MADD: variants seen among roughly 807,000 people sequenced by gnomAD.
MADD encodes MAP kinase activating death domain.
MADD carries 109 observed loss-of-function variants against 176.7 expected under a neutral mutation model. The observed-to-expected ratio is 0.62, with a 90% CI of 0.53 to 0.72. The LOEUF (loss-of-function observed/expected upper bound fraction) is 0.72. MADD is among the 30% of genes least tolerant of loss of function. MADD has a pLI of 0.00. For missense variants in MADD, 1,914 were observed against 2,045.5 expected, an observed-to-expected ratio of 0.94 and a Z score of 1.24; for synonymous variants, 771 against 771.3, an observed-to-expected ratio of 1.00 and a Z score of 0.01.
At position 47,329,107 on chromosome 11, in the gene MADD, G is replaced by C. The variant is rs148908623; in HGVS notation, c.4721G>C (p.Ser1574Thr). The C allele has an allele frequency of 3.1e-6, 5 of 1,614,072 alleles. No individual in the cohort carries two copies. In the African/African-American group the frequency reaches 5.3e-5, roughly 17 times the overall value. Residue 1574 changes from serine (S) to threonine (T), a missense_variant, in exon 33 of 33, where the codon AGT becomes ACT. Around this residue, in one of 2 missense-constraint regions of MADD, gnomAD observed 147 missense variants for 209.5 expected, o/e 0.70. Coordinates refer to ENST00000402192, the Ensembl canonical transcript of MADD. ...TCGTACGTGGCTGCAGTTCATAGCA[G>C]TGAGGAAGATCTCAGAACCCCGCCC...
exon 9 of MADD, chr11:47,282,467 C>T (rs745733121): frequency 1.2e-6 from 2 of 1,614,092 alleles, no homozygotes; most frequent in African/African-American, 1.3e-5. Flanking sequence ...TTTCCTCGGC[C>T]TGTGGTAGCT....
At position 47,289,838 on chromosome 11, in the gene MADD, A is replaced by G. The variant is rs769353760; in HGVS notation, c.2757-29A>G. On this transcript the variant is annotated intron_variant, in intron 16 of 32. Transcript: ENST00000402192. ...GGGGTGCTCTGCAAAGGAGCTGATG[A>G]CCACAGAAGCGGTGTGTGGACCCTG... 9 of 1,610,272 alleles carry G rather than the reference A, an allele frequency of 5.6e-6. No individual in the cohort carries two copies. The South Asian group carries it at 7.7e-5, about 14-fold the overall frequency.
At chr11:47,290,460 ATTC>A in intron 18 of MADD, 147 bp from the exon 20 acceptor site, 1 of 1,233,372 alleles carries the variant, frequency 8.1e-7, no homozygotes, top group Non-Finnish European at 1.1e-6. Flanking sequence ...CGCAGTGGGT[ATTC>A]TTTGTTACGA....
intron 22 of MADD, 61 bp from the exon 25 acceptor site, chr11:47,308,530 G>T: frequency 7.8e-7 from 1 of 1,282,706 alleles, no homozygotes. Context: ...GAAGTGCGTG[G>T]TTTCCTTTGT....
chr11:47,296,044 A>G, exon 22 of MADD: 2 of 1,613,704 alleles, frequency 1.2e-6, no homozygotes, highest in Non-Finnish European at 1.7e-6. Context: ...CTCTGCCACA[A>G]GCACCATCTT....
chr11:47,288,715 C>T (rs2062771231), intron 15 of MADD, among the ~76,000 whole-genome samples: 2 of 152,140 alleles, frequency 1.3e-5, no homozygotes, highest in East Asian at 3.9e-4. Context: ...TGTGTGTGTT[C>T]AGTACCTGAA....
rs1412605732 is a variant in MADD at position 47,326,432 on chromosome 11, C to G, written c.4543-306C>G. 4 of 804,238 alleles carry G rather than the reference C, an allele frequency of 5.0e-6. No homozygotes were observed. The African/African-American group carries it at 7.0e-5, about 14-fold the overall frequency. The allele number at this position is 804,238 out of a possible 1,614,324, so 49.8% of individuals were successfully genotyped here. On this transcript the variant is annotated intron_variant, in intron 30 of 32. Transcript: ENST00000402192. ...GGCACTGTGTCTTACAAGCACTGCCCTGGGCAGAGGGTACGGGCGGGCAGC... is the reference window on the plus strand; with the variant it reads ...GGCACTGTGTCTTACAAGCACTGCCGTGGGCAGAGGGTACGGGCGGGCAGC...
chr11:47,269,764 G>A (rs1958447975), upstream of MADD: 1 of 152,132 alleles, frequency 6.6e-6, no homozygotes, highest in African/African-American at 2.4e-5. Context: ...AGTGGGGGGT[G>A]GGGACTGGGG....
exon 10 of MADD, chr11:47,282,815 A>G: frequency 6.2e-7 from 1 of 1,613,160 alleles, no homozygotes; most frequent in Non-Finnish European, 8.5e-7. Context: ...TGGGGTAGAT[A>G]TGTTTGATCC....
intron 4 of MADD, 172 bp from the exon 5 acceptor site, chr11:47,276,560 A>G (rs1591752143): frequency 1.4e-6 from 1 of 712,608 alleles, no homozygotes; most frequent in East Asian, 2.7e-5. Context: ...GAGGATCACC[A>G]TTGTGCCTGG....
chr11:47,285,540 C>T, exon 14 of MADD: 1 of 1,614,202 alleles, frequency 6.2e-7, no homozygotes, highest in Non-Finnish European at 8.5e-7. Context: ...CCCAACTCCA[C>T]CGTCTCCAAC....
chr11:47,292,613 CT>C lies in MADD; in HGVS notation c.3302-1267del, dbSNP rs746775878. 1 of 1,613,732 alleles carries C rather than the reference CT, an allele frequency of 6.2e-7. No individual in the cohort carries two copies. ...AAAAACAGAGTAAGGAACAAATGCC[CT>C]TTCCTGTTCCCAAGTCCTCCATACC... On this transcript the variant is annotated intron_variant, in intron 19 of 32. Transcript: ENST00000402192.
chr11:47,309,838 C>CT (rs60488949), intron 25 of MADD, among the ~76,000 whole-genome samples: 2,293 of 143,388 alleles, frequency 0.016, 57 homozygotes, highest in African/African-American at 0.042. Flanking sequence ...TGATGATTCT[C>CT]TTTTTTTTTT....
At chr11:47,312,359 A>G (rs1320801354) in intron 26 of MADD, among the ~76,000 whole-genome samples, 1 of 151,254 alleles carries the variant, frequency 6.6e-6, no homozygotes, top group Non-Finnish European at 1.5e-5. Context: ...AGCGATTCTC[A>G]TGCCTCAGCC....
intron 22 of MADD, among the ~76,000 whole-genome samples, chr11:47,300,125 T>C (rs1565445903): frequency 6.6e-6 from 1 of 152,184 alleles, no homozygotes; most frequent in Non-Finnish European, 1.5e-5. Flanking sequence ...CTTTTGTATT[T>C]GGTATTCGTT....
At chr11:47,324,633 A>G (rs755087543) in intron 30 of MADD, 56 bp downstream of exon 33, 6 of 1,208,646 alleles carry the variant, frequency 5.0e-6, no homozygotes, top group East Asian at 4.7e-5. Context: ...AGAAGGACCA[A>G]TGTCCAAGCC....
intron 22 of MADD, among the ~76,000 whole-genome samples, chr11:47,307,994 C>G (rs934544247): frequency 1.1e-4 from 17 of 152,164 alleles, no homozygotes; most frequent in Non-Finnish European, 2.5e-4. Context: ...AATAGAAAAT[C>G]TACTCAGAAG....
chr11:47,298,861 G>A (rs1216784468), intron 22 of MADD, among the ~76,000 whole-genome samples: 1 of 152,194 alleles, frequency 6.6e-6, no homozygotes, highest in African/African-American at 2.4e-5. Flanking sequence ...TGTATATGGT[G>A]AGAGCTAAGG....
At chr11:47,278,831 C>T (rs1315799546) in intron 6 of MADD, among the ~76,000 whole-genome samples, 168 bp from the exon 7 acceptor site, 2 of 152,182 alleles carry the variant, frequency 1.3e-5, no homozygotes, top group Non-Finnish European at 1.5e-5. Flanking sequence ...ATTTCAGATG[C>T]ATATGTATGT....
Sources: gnomAD v4.1 joint callset for allele counts (sites outside exome capture counted in the v4.1 genomes callset) on GRCh38, gnomAD v4.1.1 for gene constraint, gnomAD v4.1.1 regional missense constraint, MANE v1.5 for transcripts, NCBI Gene and HGNC (gene_info 2026-07-23, HGNC 2026-07-21) for gene names.